DOCK2: variants seen among roughly 807,000 people sequenced by gnomAD.
DOCK2 encodes the protein dedicator of cytokinesis 2, also known as dedicator of cytokinesis protein 2.
A neutral mutation model predicts 248.9 loss-of-function variants in DOCK2; 87 were observed. The observed-to-expected ratio is 0.35, with a 90% CI of 0.29 to 0.42. The LOEUF (loss-of-function observed/expected upper bound fraction) is 0.42, where lower values mean the gene tolerates loss of function less well. DOCK2 is among the 10% of genes least tolerant of loss of function. The pLI is 1.00. For synonymous variants in DOCK2, 805 were observed against 821.6 expected (o/e 0.98, Z 0.35); for missense variants, 1,747 against 2,300.2 (o/e 0.76, Z 4.92).
At chr5:170,001,037 C>T (rs1209010606) in intron 30 of DOCK2, among the ~76,000 whole-genome samples, 3 of 152,144 alleles carry the variant, frequency 2.0e-5, no homozygotes, top group East Asian at 3.9e-4. Context: ...CCAGGCAGAA[C>T]GGTGGGCACA....
intron 33 of DOCK2, among the ~76,000 whole-genome samples, chr5:170,020,560 C>G (rs1755685594): frequency 6.6e-6 from 1 of 152,186 alleles, no homozygotes; most frequent in Non-Finnish European, 1.5e-5. Context: ...AACTACAACT[C>G]TGTGAAGTAG....
At chr5:169,758,269 A>C (rs1764299025) in intron 23 of DOCK2, among the ~76,000 whole-genome samples, 1 of 152,212 alleles carries the variant, frequency 6.6e-6, no homozygotes, top group Admixed American at 6.5e-5. Context: ...ATTTACATAC[A>C]CACACATGCA....
At chr5:169,964,129 T>C (rs1490649053) in intron 27 of DOCK2, among the ~76,000 whole-genome samples, 1 of 152,212 alleles carries the variant, frequency 6.6e-6, no homozygotes, top group Non-Finnish European at 1.5e-5. Flanking sequence ...GATGAAATTC[T>C]ACTGACCAGA....
At chr5:169,943,268 C>G (rs1776312391) in intron 27 of DOCK2, among the ~76,000 whole-genome samples, 1 of 152,040 alleles carries the variant, frequency 6.6e-6, no homozygotes, top group Non-Finnish European at 1.5e-5. Flanking sequence ...TGAAGAAAAC[C>G]CAGGATTCTG....
chr5:169,798,752 G>A (rs1415450165), intron 25 of DOCK2, among the ~76,000 whole-genome samples: 1 of 152,170 alleles, frequency 6.6e-6, no homozygotes, highest in Admixed American at 6.5e-5. Context: ...CTGGCACATA[G>A]TAAGCCTTCC....
At chr5:169,860,787 C>T (rs1018447367) in intron 27 of DOCK2, among the ~76,000 whole-genome samples, 1 of 152,124 alleles carries the variant, frequency 6.6e-6, no homozygotes, top group Non-Finnish European at 1.5e-5. Flanking sequence ...TGTGAATGTG[C>T]CTTTCGTATG....
intron 27 of DOCK2, among the ~76,000 whole-genome samples, chr5:169,949,802 C>G (rs1409033857): frequency 6.7e-6 from 1 of 150,184 alleles, no homozygotes; most frequent in Admixed American, 6.6e-5. Context: ...AGGTTGTCAC[C>G]CTGTCATTTA....
intron 27 of DOCK2, among the ~76,000 whole-genome samples, chr5:169,904,879 G>A (rs1302751604): frequency 2.0e-5 from 3 of 152,062 alleles, no homozygotes; most frequent in Non-Finnish European, 4.4e-5. Flanking sequence ...ACTGCTCCAC[G>A]GCTGGAGCAG....
At chr5:169,881,681 G>C (rs903872381) in intron 27 of DOCK2, among the ~76,000 whole-genome samples, 15 of 152,192 alleles carry the variant, frequency 9.9e-5, no homozygotes, top group African/African-American at 3.6e-4. Flanking sequence ...CAACAATCCT[G>C]TTGTGAGATG....
intron 10 of DOCK2, among the ~76,000 whole-genome samples, 159 bp from the exon 11 acceptor site, chr5:169,698,215 G>C (rs937255752): frequency 6.6e-6 from 1 of 152,200 alleles, no homozygotes; most frequent in Non-Finnish European, 1.5e-5. Flanking sequence ...AACCTCTGCT[G>C]TCTGAGTGTT....
chr5:169,844,933 A>AT (rs1770214033), intron 27 of DOCK2, among the ~76,000 whole-genome samples: 1 of 151,910 alleles, frequency 6.6e-6, no homozygotes, highest in South Asian at 2.1e-4. Context: ...GTATTCATTT[A>AT]TTTATTCCTT....
intron 32 of DOCK2, among the ~76,000 whole-genome samples, chr5:170,012,139 C>A (rs1010159970): frequency 1.3e-5 from 2 of 152,220 alleles, no homozygotes; most frequent in African/African-American, 4.8e-5. Flanking sequence ...TGTCCTGTCT[C>A]TTGATCCCAA....
At chr5:170,056,576 C>T (rs918169941) in intron 42 of DOCK2, 108 bp from the exon 43 acceptor site, 75 of 823,526 alleles carry the variant, frequency 9.1e-5, no homozygotes, top group Non-Finnish European at 1.4e-4. Flanking sequence ...GGGACTCTGC[C>T]AGGCCTGAAG....
At position 169,883,637 on chromosome 5, in the gene DOCK2, T is replaced by G; in HGVS notation, c.2799+42785T>G. 1.3e-6 allele frequency: 2 copies of G among 1,551,464 alleles called. No homozygotes were observed. The highest frequency in any genetic ancestry group is 1.7e-6 in the Non-Finnish European group (2 of 1,146,834). On this transcript the variant is annotated intron_variant, in intron 27 of 51. Transcript: ENST00000520908. ...GCAATGTTGCGAAAGCCCCCTGCCTTCTGGGACCTGGGGAAGGAGAGCGAG... is the reference window on the plus strand; with the variant it reads ...GCAATGTTGCGAAAGCCCCCTGCCTGCTGGGACCTGGGGAAGGAGAGCGAG...
intron 26 of DOCK2, among the ~76,000 whole-genome samples, chr5:169,836,126 ATT>A (rs1477989257): frequency 6.6e-6 from 1 of 152,232 alleles, no homozygotes; most frequent in Non-Finnish European, 1.5e-5. Context: ...TAAAAATAAA[ATT>A]TCATATCAAA....
At chr5:169,902,451 G>T (rs76102396) in intron 27 of DOCK2, among the ~76,000 whole-genome samples, 1,774 of 152,302 alleles carry the variant, frequency 0.012, 25 homozygotes, top group Middle Eastern at 0.044. Context: ...TGCTCCAGGG[G>T]TCATGCTCTT....
intron 7 of DOCK2, 76 bp downstream of exon 7, chr5:169,681,955 T>A: frequency 1.9e-6 from 3 of 1,565,422 alleles, no homozygotes; most frequent in East Asian, 2.3e-5. Context: ...AATGGGCTAA[T>A]GAACCAGACT....
Position 169,674,305 on chromosome 5 carries a change from A to G in DOCK2, c.330A>G (p.Lys110=). Residue 110 remains lysine (K), a synonymous_variant, in exon 6 of 52, where the codon AAA becomes AAG. Coordinates refer to ENST00000520908, the MANE Select transcript of DOCK2 (RefSeq NM_004946.3). ...SIWKQLYVAS[K]KERFLQVQSM... ...TGTTTCTTGTCTCCTAGGCCAGCAA[A>G]AAGGAGCGTTTTCTCCAGGTGCAGT... 1 of 1,614,000 alleles carries G rather than the reference A, an allele frequency of 6.2e-7. No homozygotes were observed. The highest frequency in any genetic ancestry group is 8.5e-7 in the Non-Finnish European group (1 of 1,179,962).
intron 27 of DOCK2, among the ~76,000 whole-genome samples, chr5:169,978,013 AG>A (rs1777777099): frequency 6.6e-6 from 1 of 152,176 alleles, no homozygotes. Flanking sequence ...GACAGCTCCT[AG>A]AAAGAACTTT....
Sources: gnomAD v4.1 joint callset for allele counts (sites outside exome capture counted in the v4.1 genomes callset) on GRCh38, gnomAD v4.1.1 for gene constraint, MANE v1.5 for transcripts, NCBI Gene and HGNC (gene_info 2026-07-23, HGNC 2026-07-21) for gene names.